The following ACO2 variants were observed in gnomAD, a reference collection of about 807,000 sequenced individuals.
The protein encoded by ACO2 is aconitate hydratase, mitochondrial.
A neutral mutation model predicts 84.5 loss-of-function variants in ACO2; 31 were observed. The ratio of observed to expected loss-of-function variants is 0.37; its 90% CI spans 0.28 to 0.50. The LOEUF (loss-of-function observed/expected upper bound fraction) is 0.50. Among genes scored for constraint, ACO2 ranks in the 20% least tolerant of loss-of-function variants. The probability of loss-of-function intolerance (pLI) is 0.97; values close to 1 mark genes in which losing one functional copy is unlikely to be tolerated. For synonymous variants in ACO2, 414 were observed against 412.7 expected, an observed-to-expected ratio of 1.00 and a Z score of -0.04; for missense variants, 685 against 1,029.3, an observed-to-expected ratio of 0.67 and a Z score of 4.58.
intron 14 of ACO2, 135 bp downstream of exon 14, chr22:41,525,483 T>C (rs2066574957): frequency 8.7e-7 from 1 of 1,154,524 alleles, no homozygotes; most frequent in East Asian, 2.5e-5. Flanking sequence ...GAGGTTTGGC[T>C]GCAGAGCAGA....
intron 1 of ACO2, among the ~76,000 whole-genome samples, chr22:41,491,714 C>T (rs2066273007): frequency 6.6e-6 from 1 of 152,176 alleles, no homozygotes; most frequent in Non-Finnish European, 1.5e-5. Flanking sequence ...ATGTGGAGTG[C>T]TTTTATTATG....
At chr22:41,485,434 ATTTTTTT>A (rs71184813) in intron 1 of ACO2, among the ~76,000 whole-genome samples, 2 of 69,026 alleles carry the variant, frequency 2.9e-5, no homozygotes, top group Admixed American at 1.5e-4. Flanking sequence ...TGCCCGGCTA[ATTTTTTT>A]TTTTTTTTTT....
At chr22:41,469,362 G>A (rs1326358147) in intron 1 of ACO2, 180 bp downstream of exon 1, 15 of 629,864 alleles carry the variant, frequency 2.4e-5, no homozygotes, top group Non-Finnish European at 3.6e-5. Flanking sequence ...AGGCGTCCCC[G>A]GCACAGTCAG....
chr22:41,511,903 C>G lies in ACO2; in HGVS notation c.460C>G (p.Leu154Val). 1 of 1,610,482 alleles carries G rather than the reference C, an allele frequency of 6.2e-7. No individual in the cohort carries two copies. The highest frequency in any genetic ancestry group is 8.5e-7 in the Non-Finnish European group (1 of 1,178,682). Reference protein sequence around the residue: ...KDINQEVYNFLATAGAKYGVG... With the variant: ...KDINQEVYNFVATAGAKYGVG... ...CATCAACCAGGAAGTTTATAATTTC[C>G]TGGCAACTGCAGGTGCCAAATATGG... Residue 154 changes from leucine to valine, a missense_variant, in exon 4 of 18, where the codon CTG (leucine) becomes GTG (valine). Around this residue, in one of 5 missense-constraint regions of ACO2, gnomAD observed 92 missense variants for 203.7 expected, o/e 0.45. Coordinates refer to ENST00000216254, the MANE Select transcript of ACO2 (RefSeq NM_001098.3).
At chr22:41,503,065 A>G (rs552932479) in intron 2 of ACO2, among the ~76,000 whole-genome samples, 1 of 152,358 alleles carries the variant, frequency 6.6e-6, no homozygotes, top group East Asian at 1.9e-4. Context: ...CTTTGAGATA[A>G]CTTGACAACA....
intron 1 of ACO2, among the ~76,000 whole-genome samples, chr22:41,474,776 T>C (rs898529270): frequency 2.0e-5 from 3 of 150,908 alleles, no homozygotes; most frequent in African/African-American, 7.3e-5. Flanking sequence ...TTTTTTTTTG[T>C]ATTTTTAGTA....
chr22:41,502,109 G>A (rs1444726997), intron 2 of ACO2, among the ~76,000 whole-genome samples: 1 of 152,158 alleles, frequency 6.6e-6, no homozygotes, highest in Non-Finnish European at 1.5e-5. Flanking sequence ...ACTCAAGCCT[G>A]GGTCTCTGTG....
intron 1 of ACO2, among the ~76,000 whole-genome samples, chr22:41,476,762 C>G (rs763150771): frequency 6.6e-6 from 1 of 151,982 alleles, no homozygotes; most frequent in Non-Finnish European, 1.5e-5. Flanking sequence ...CAAATAGTTT[C>G]TGATATTATT....
intron 2 of ACO2, among the ~76,000 whole-genome samples, chr22:41,507,311 T>C (rs1003651967): frequency 6.6e-6 from 1 of 152,104 alleles, no homozygotes; most frequent in African/African-American, 2.4e-5. Context: ...CTGGTCCTGA[T>C]TCCCTGTGCC....
chr22:41,496,426 AATC>A (rs2146102472), intron 1 of ACO2, among the ~76,000 whole-genome samples: 1 of 152,258 alleles, frequency 6.6e-6, no homozygotes, highest in African/African-American at 2.4e-5. Flanking sequence ...ACAGGGTAAT[AATC>A]ATGGAAACGT....
In ACO2 at chr22:41,523,126, G is replaced by C. The variant is rs1288861920; in HGVS notation, c.1297-79G>C. ...CCCTGGGGTTCCAGTACAGCACTTC[G>C]TCCTGCAGCCACCACATCACCCCTT... On this transcript the variant is annotated intron_variant, in intron 10 of 17. Coordinates refer to ENST00000216254, the MANE Select transcript of ACO2 (RefSeq NM_001098.3). The C allele has an allele frequency of 2.6e-6, 4 of 1,538,154 alleles. No homozygotes were observed. In the South Asian group the frequency reaches 4.8e-5, roughly 18 times the overall value.
Position 41,523,846 on chromosome 22 carries a change from G to T in ACO2, c.1387G>T (p.Gly463Trp), listed in dbSNP as rs2006715. The part of the protein sequence containing the change: ...GQWDRKDIKK[G>W]EKNTIVTSYN... ...ACCTGGCAGGAAGGACATCAAGAAGGGGGAGAAGAACACAATCGTCACCTC... is the reference window on the plus strand; with the variant it reads ...ACCTGGCAGGAAGGACATCAAGAAGTGGGAGAAGAACACAATCGTCACCTC... The change falls in exon 12 of 18, where the codon GGG becomes TGG. Residue 463 changes from glycine (G) to tryptophan (W), a missense_variant. Transcript: ENST00000216254. 1.8e-4 allele frequency: 287 copies of T among 1,612,160 alleles called. 2 individuals are homozygous for T. In the East Asian group the frequency reaches 6.1e-3, roughly 35 times the overall value.
At chr22:41,488,211 T>C (rs530826000) in intron 1 of ACO2, among the ~76,000 whole-genome samples, 43 of 152,284 alleles carry the variant, frequency 2.8e-4, no homozygotes, top group African/African-American at 1.0e-3. Flanking sequence ...GTTCCCAGTG[T>C]CCAATGTGGT....
chr22:41,469,276 CTGGGGCCAACT>C, intron 1 of ACO2, 94 bp downstream of exon 1: 1 of 1,433,058 alleles, frequency 7.0e-7, no homozygotes, highest in Non-Finnish European at 9.5e-7. Flanking sequence ...CGGGCCCAAC[CTGGGGCCAACT>C]TCTCGTGTAC....
intron 1 of ACO2, among the ~76,000 whole-genome samples, chr22:41,476,986 T>G (rs2038023466): frequency 6.6e-6 from 1 of 151,356 alleles, no homozygotes; most frequent in South Asian, 2.1e-4. Flanking sequence ...CTGTCTCTAC[T>G]AAAATACAAA....
At chr22:41,488,270 G>C (rs958872432) in intron 1 of ACO2, among the ~76,000 whole-genome samples, 3 of 152,204 alleles carry the variant, frequency 2.0e-5, no homozygotes, top group Admixed American at 2.0e-4. Flanking sequence ...ACGTGGGCAT[G>C]TCAAGATAGT....
chr22:41,525,866 C>G (rs1320624173), intron 14 of ACO2: 3 of 204,514 alleles, frequency 1.5e-5, no homozygotes, highest in Admixed American at 5.4e-5. Flanking sequence ...TAAGGGGTCT[C>G]CAGGCACCCC....
At chr22:41,494,271 G>A (rs1393933685) in intron 1 of ACO2, among the ~76,000 whole-genome samples, 4 of 152,118 alleles carry the variant, frequency 2.6e-5, no homozygotes, top group East Asian at 3.8e-4. Context: ...TTTGGATCCC[G>A]CCTGAGATAA....
At chr22:41,528,092 C>T in intron 17 of ACO2, 70 bp downstream of exon 17, 5 of 1,599,026 alleles carry the variant, frequency 3.1e-6, no homozygotes, top group Non-Finnish European at 4.3e-6. Flanking sequence ...CCTGCACTGG[C>T]CCCAGGGTAG....
Sources: gnomAD v4.1 joint callset for allele counts (sites outside exome capture counted in the v4.1 genomes callset) on GRCh38, gnomAD v4.1.1 for gene constraint, gnomAD v4.1.1 regional missense constraint, MANE v1.5 for transcripts, NCBI Gene and HGNC (gene_info 2026-07-23, HGNC 2026-07-21) for gene names.